LNX1: variants seen among roughly 807,000 people sequenced by gnomAD.
LNX1 encodes ligand of numb-protein X 1, also known as E3 ubiquitin-protein ligase LNX.
Under a neutral mutation model 68.4 loss-of-function variants are expected in LNX1, and 54 were observed. The observed-to-expected ratio is 0.79, with a 90% CI of 0.63 to 0.99. The LOEUF (loss-of-function observed/expected upper bound fraction) is 0.99. Among genes scored for constraint, LNX1 ranks in the 50% least tolerant of loss-of-function variants. The pLI is 0.00. For missense variants in LNX1, 906 were observed against 926.4 expected (o/e 0.98, Z 0.29); for synonymous variants, 336 against 350.0 (o/e 0.96, Z 0.45).
At chr4:53,640,618 C>A (rs1428488249) in intron 1 of LNX1, among the ~76,000 whole-genome samples, 1 of 152,140 alleles carries the variant, frequency 6.6e-6, no homozygotes, top group Non-Finnish European at 1.5e-5. Flanking sequence ...GCAGGAGAAC[C>A]ACAATACATC....
rs180902343 is a variant in LNX1, at chr4:53,464,682, T to C, written c.1893-3089A>G. ...ACTACAATAAGTTGACACTGCTACT[T>C]GCAGAGGATAAGGGATAACTAAACC... On this transcript the variant is annotated intron_variant, in intron 9 of 10. Coordinates refer to ENST00000263925, the MANE Select transcript of LNX1 (RefSeq NM_001126328.3). Among the ~76,000 whole-genome samples the C allele has an allele frequency of 9.9e-5, 15 of 152,262 alleles. No homozygotes were observed. The East Asian group carries it at 2.9e-3, about 29-fold the overall frequency.
At chr4:53,633,352 C>T (rs1428294235) in intron 1 of LNX1, among the ~76,000 whole-genome samples, 1 of 152,190 alleles carries the variant, frequency 6.6e-6, no homozygotes, top group Non-Finnish European at 1.5e-5. Flanking sequence ...CTTTCTTAGT[C>T]TCTATTCTCT....
intron 2 of LNX1, among the ~76,000 whole-genome samples, chr4:53,601,352 C>A (rs1042192279): frequency 6.6e-6 from 1 of 152,106 alleles, no homozygotes; most frequent in African/African-American, 2.4e-5. Context: ...GCATGGTCCA[C>A]CCCTCTCCCA....
chr4:53,496,831 A>G lies in LNX1; in HGVS notation c.979-437T>C, dbSNP rs139716533. On this transcript the variant is annotated intron_variant, in intron 5 of 10. Coordinates refer to ENST00000263925, the MANE Select transcript of LNX1 (RefSeq NM_001126328.3). ...GACATTTTCTTCCCAAAAATCTCCA[A>G]TTGAATTTTTCTCCCTGGGTCAACT... Among the ~76,000 whole-genome samples the G allele has an allele frequency of 6.9e-3, 1,053 of 152,290 alleles. 9 individuals are homozygous for G. The highest frequency in any genetic ancestry group is 0.024 in the African/African-American group (985 of 41,554).
At chr4:53,536,661 G>A (rs1344359644) in intron 2 of LNX1, among the ~76,000 whole-genome samples, 4 of 152,178 alleles carry the variant, frequency 2.6e-5, no homozygotes, top group Non-Finnish European at 5.9e-5. Flanking sequence ...ATACTGATGT[G>A]ACACAGCTTC....
At chr4:53,561,088 G>C (rs1280206914) in intron 2 of LNX1, among the ~76,000 whole-genome samples, 4 of 152,092 alleles carry the variant, frequency 2.6e-5, no homozygotes, top group Non-Finnish European at 2.9e-5. Flanking sequence ...TTAGGGGCCA[G>C]GAAAATGTTG....
intron 2 of LNX1, among the ~76,000 whole-genome samples, chr4:53,516,734 G>A (rs1448177256): frequency 2.6e-5 from 4 of 152,226 alleles, no homozygotes; most frequent in African/African-American, 9.6e-5. Context: ...TGGTGGCAGT[G>A]CTGGGGATAA....
intron 4 of LNX1, 140 bp downstream of exon 4, chr4:53,507,177 G>C: frequency 2.4e-6 from 2 of 823,746 alleles, no homozygotes; most frequent in Non-Finnish European, 3.8e-6. Context: ...TGAGAAGTAG[G>C]CTAATCAAAG....
At chr4:53,468,315 C>A (rs529743244) in intron 9 of LNX1, among the ~76,000 whole-genome samples, 120 of 152,224 alleles carry the variant, frequency 7.9e-4, no homozygotes, top group African/African-American at 2.8e-3. Context: ...CACCACCAGG[C>A]CTGCCCTAAA....
At chr4:53,546,375 G>C (rs888634660) in intron 2 of LNX1, among the ~76,000 whole-genome samples, 1 of 152,190 alleles carries the variant, frequency 6.6e-6, no homozygotes, top group Non-Finnish European at 1.5e-5. Context: ...TTCATGATGG[G>C]TGCTGTGCAG....
intron 1 of LNX1, among the ~76,000 whole-genome samples, chr4:53,589,510 T>G (rs1422287617): frequency 6.6e-6 from 1 of 152,218 alleles, no homozygotes; most frequent in Non-Finnish European, 1.5e-5. Flanking sequence ...AGGAAGAACC[T>G]AGCCTCAGTT....
At chr4:53,631,479 C>A (rs1734268569) in intron 1 of LNX1, among the ~76,000 whole-genome samples, 1 of 152,116 alleles carries the variant, frequency 6.6e-6, no homozygotes, top group Non-Finnish European at 1.5e-5. Context: ...TCCATAGAGG[C>A]CTCTTTTCCT....
chr4:53,476,855 G>A lies in LNX1; in HGVS notation c.1790C>T (p.Pro597Leu), dbSNP rs1723595656. Residue 597 changes from proline to leucine, a missense_variant, in exon 9 of 11, where the codon CCC becomes CTC. Physicochemically the swap from Pro to Leu is moderately conservative, Grantham distance 98. Transcript: ENST00000263925. ...LKALEVKEYE[P>L]QEDCSSPAAL... ...TGCTGGGCTGCTGCAGTCTTCCTGG[G>A]GCTCATACTCTTTGACTTCCAAAGC... 3 of 1,614,130 alleles carry A rather than the reference G, an allele frequency of 1.9e-6. No homozygotes were observed. Among genetic ancestry groups the A allele is most frequent in the Middle Eastern group, 1.6e-4 (1 of 6,062 alleles).
At chr4:53,558,407 G>T in intron 2 of LNX1, 1 of 386,790 alleles carries the variant, frequency 2.6e-6, no homozygotes, top group Non-Finnish European at 3.5e-6. Flanking sequence ...ATAATGAAAA[G>T]CTGCCCTCCA....
At chr4:53,471,072 A>ATT (rs1192704981) in intron 9 of LNX1, among the ~76,000 whole-genome samples, 2 of 31,304 alleles carry the variant, frequency 6.4e-5, no homozygotes, top group South Asian at 1.1e-3. Flanking sequence ...GAGGCATCGC[A>ATT]CTACCTGACT....
chr4:53,597,204 GGC>G (rs1732791824), intron 2 of LNX1, among the ~76,000 whole-genome samples: 4 of 152,060 alleles, frequency 2.6e-5, no homozygotes, highest in African/African-American at 9.7e-5. Context: ...CACTCTCCTT[GGC>G]AAACTATCAA....
chr4:53,605,914 T>G (rs1310601285), intron 2 of LNX1, among the ~76,000 whole-genome samples: 3 of 152,212 alleles, frequency 2.0e-5, no homozygotes, highest in Non-Finnish European at 2.9e-5. Context: ...AGATATCAGC[T>G]GGTGATTCCG....
rs1338377412 is a variant in LNX1 at position 53,603,497 on chromosome 4, T to A, written c.-214-11982A>T. 4 of 152,222 alleles carry A rather than the reference T, an allele frequency of 2.6e-5. No individual in the cohort carries two copies. In the East Asian group the frequency reaches 7.7e-4, roughly 29 times the overall value. The allele number at this position is 152,222 out of a possible 1,614,324, so 9.4% of individuals were successfully genotyped here. ...GTATAAGGAAATATCTGTGACTGCT[T>A]AATTAATAAAAGAGGTTTAATTGCT... On this transcript the variant is annotated intron_variant, in intron 2 of 3. Transcript: ENST00000504299.
At position 53,508,114 on chromosome 4, in the gene LNX1, G is replaced by C; in HGVS notation, c.494C>G (p.Ser165Cys). The change falls in exon 3 of 11, where the codon TCT (serine) becomes TGT (cysteine). Residue 165 changes from serine (S) to cysteine (C), a missense_variant. By Grantham distance (112) the Ser-to-Cys change is moderately radical (BLOSUM62 -1). Coordinates refer to ENST00000263925, the MANE Select transcript of LNX1 (RefSeq NM_001126328.3). ...LTATAPSPEV[S>C]AAATISLMTD... ...CATTAAGGAGATGGTGGCAGCTGCA[G>C]AAACCTCTGGGGAGGGAGCCGTGGC... 4 of 1,614,156 alleles carry C rather than the reference G, an allele frequency of 2.5e-6. No homozygotes were observed. In the South Asian group the frequency reaches 4.4e-5, roughly 18 times the overall value.
Sources: gnomAD v4.1 joint callset for allele counts (sites outside exome capture counted in the v4.1 genomes callset) on GRCh38, gnomAD v4.1.1 for gene constraint, MANE v1.5 for transcripts, NCBI Gene and HGNC (gene_info 2026-07-23, HGNC 2026-07-21) for gene names.